Variants in LPP observed in about 807,000 individuals in gnomAD.
LPP encodes the protein lipoma-preferred partner.
In LPP, 38 loss-of-function variants were observed where a neutral mutation model predicts 60.4. That is an observed-to-expected ratio of 0.63 (90% CI 0.49 to 0.83). The LOEUF (loss-of-function observed/expected upper bound fraction) is 0.83. LPP is among the 40% of genes least tolerant of loss of function. The probability of loss-of-function intolerance (pLI) is 0.00; values close to 1 mark genes in which losing one functional copy is unlikely to be tolerated. For missense variants in LPP, 902 were observed against 783.6 expected (o/e 1.15, Z -1.80); for synonymous variants, 328 against 290.8 (o/e 1.13, Z -1.30).
intron 9 of LPP, among the ~76,000 whole-genome samples, chr3:188,767,214 A>G (rs1276614246): frequency 6.6e-6 from 1 of 152,196 alleles, no homozygotes; most frequent in Non-Finnish European, 1.5e-5. Context: ...TAGTAAACTC[A>G]GACCAAAATA....
intron 1 of LPP, among the ~76,000 whole-genome samples, chr3:188,181,381 A>G (rs1724959776): frequency 6.6e-6 from 1 of 151,718 alleles, no homozygotes. Context: ...GAAGAAGAAA[A>G]TAAAAACCAC....
intron 6 of LPP, among the ~76,000 whole-genome samples, chr3:188,573,843 G>A (rs926478533): frequency 6.6e-6 from 1 of 152,068 alleles, no homozygotes; most frequent in South Asian, 2.1e-4. Context: ...TGGAAAAGAG[G>A]GCGTCTCTAA....
At chr3:188,710,571 T>G (rs1866432469) in intron 8 of LPP, 1 of 152,208 alleles carries the variant, frequency 6.6e-6, no homozygotes, top group African/African-American at 2.4e-5. Flanking sequence ...GGTTTCTAGT[T>G]ACATCAAAAT....
chr3:188,387,387 A>G (rs1451290534), intron 3 of LPP, among the ~76,000 whole-genome samples: 5 of 152,130 alleles, frequency 3.3e-5, no homozygotes, highest in Admixed American at 2.6e-4. Flanking sequence ...ATCACTGCAT[A>G]TTCTTGAATG....
intron 3 of LPP, among the ~76,000 whole-genome samples, chr3:188,396,617 A>T (rs78151608): frequency 9.3e-4 from 141 of 152,344 alleles, no homozygotes; most frequent in African/African-American, 3.2e-3. Flanking sequence ...GATTTTTCCT[A>T]TCGTCACTTT....
At chr3:188,563,727 T>G (rs13079235) in intron 6 of LPP, among the ~76,000 whole-genome samples, 2 of 31,328 alleles carry the variant, frequency 6.4e-5, no homozygotes, top group East Asian at 0.026. Flanking sequence ...TGTTTTTTTT[T>G]GTTTTTTTTT....
At chr3:188,358,622 G>A (rs375846550) in intron 3 of LPP, among the ~76,000 whole-genome samples, 34 of 152,318 alleles carry the variant, frequency 2.2e-4, no homozygotes, top group African/African-American at 7.9e-4. Context: ...ATAAACAGTG[G>A]AAGAGATGCC....
intron 7 of LPP, among the ~76,000 whole-genome samples, chr3:188,644,000 AAATATTGAACTATAAGGC>A (rs1850667749): frequency 6.6e-6 from 1 of 152,222 alleles, no homozygotes; most frequent in Admixed American, 6.5e-5. Flanking sequence ...ACTATCCATG[AAATATTGAACTATAAGGC>A]AGTTTTAGTA....
chr3:188,281,939 A>C (rs987826299), intron 2 of LPP, among the ~76,000 whole-genome samples: 1 of 152,150 alleles, frequency 6.6e-6, no homozygotes, highest in Admixed American at 6.6e-5. Context: ...CTTGTATATA[A>C]TCATTCTTAT....
Position 188,441,609 on chromosome 3 carries a change from C to CTTTCTTT in LPP, c.193+35299_193+35300insCTTTTTT, listed in dbSNP as rs1793886236. ...ACAGTTTCTTTTTTTCTTTTCTTTT[C>CTTTCTTT]TTTTTTTTTTTTTTTTTTTTTTTTT... On this transcript the variant is annotated intron_variant, in intron 4 of 11. Transcript: ENST00000617246. Among the ~76,000 whole-genome samples, 12 of 55,668 alleles carry CTTTCTTT rather than the reference C, an allele frequency of 2.2e-4. 1 individual carries two copies. Among genetic ancestry groups the CTTTCTTT allele is most frequent in the Non-Finnish European group, 3.4e-4 (10 of 29,438 alleles). The allele number at this position is 55,668 out of a possible 152,430, so 36.5% of individuals were successfully genotyped here. A position where few individuals can be genotyped will look rare whatever the true frequency, so the allele number is the denominator to read the frequency against.
At chr3:188,692,773 T>C (rs1285557686) in intron 7 of LPP, among the ~76,000 whole-genome samples, 1 of 152,230 alleles carries the variant, frequency 6.6e-6, no homozygotes, top group Admixed American at 6.5e-5. Flanking sequence ...TATGTAGTTT[T>C]TGTGTTAGAA....
chr3:188,195,279 A>G (rs930157165), intron 1 of LPP, among the ~76,000 whole-genome samples: 1 of 148,440 alleles, frequency 6.7e-6, no homozygotes, highest in Admixed American at 6.6e-5. Context: ...GAAAGAAAAA[A>G]GAAAGAGGCT....
chr3:188,162,895 A>AG (rs1718740031), intron 1 of LPP, among the ~76,000 whole-genome samples: 1 of 152,176 alleles, frequency 6.6e-6, no homozygotes, highest in Non-Finnish European at 1.5e-5. Context: ...GCTGTTTAAT[A>AG]CAGGGTGCTC....
intron 8 of LPP, among the ~76,000 whole-genome samples, chr3:188,737,987 T>C (rs1239429874): frequency 1.3e-5 from 2 of 152,202 alleles, no homozygotes; most frequent in African/African-American, 2.4e-5. Context: ...CAGACATATA[T>C]TGAAATATCT....
chr3:188,288,729 T>C (rs2150015683), intron 2 of LPP, among the ~76,000 whole-genome samples: 1 of 152,266 alleles, frequency 6.6e-6, no homozygotes. Context: ...TTTCATTTGA[T>C]GTCCGGGTTG....
At chr3:188,691,303 A>G (rs956372592) in intron 7 of LPP, among the ~76,000 whole-genome samples, 2 of 152,238 alleles carry the variant, frequency 1.3e-5, no homozygotes, top group Non-Finnish European at 2.9e-5. Context: ...CATGGACTAT[A>G]GAGTCATACT....
chr3:188,292,219 C>T (rs1447949648), intron 2 of LPP, among the ~76,000 whole-genome samples: 4 of 152,200 alleles, frequency 2.6e-5, no homozygotes, highest in Non-Finnish European at 5.9e-5. Context: ...GATGTGCAAA[C>T]TTGCTATATG....
intron 1 of LPP, among the ~76,000 whole-genome samples, chr3:188,203,688 C>T (rs563724391): frequency 4.3e-4 from 61 of 142,914 alleles, no homozygotes; most frequent in Non-Finnish European, 7.8e-4. Flanking sequence ...GCTATGTTGC[C>T]CAGGCTGGTC....
At position 188,260,896 on chromosome 3, in the gene LPP, G is replaced by A. The variant is rs965477644; in HGVS notation, c.-67+35369G>A. Among the ~76,000 whole-genome samples the A allele has an allele frequency of 7.2e-5, 11 of 152,062 alleles. No homozygotes were observed. The South Asian group carries it at 1.2e-3, about 17-fold the overall frequency. ...AAAAATACAAAAAAATTAGCAGGGC[G>A]TGGTGGTGCATGCCTGTAGTCCCAG... On this transcript the variant is annotated intron_variant, in intron 2 of 11. Coordinates refer to ENST00000617246, the MANE Select transcript of LPP (RefSeq NM_001375462.1).
Sources: gnomAD v4.1 joint callset for allele counts (sites outside exome capture counted in the v4.1 genomes callset) on GRCh38, gnomAD v4.1.1 for gene constraint, MANE v1.5 for transcripts, NCBI Gene and HGNC (gene_info 2026-07-23, HGNC 2026-07-21) for gene names.